The following ASCC1 variants were observed in gnomAD, a reference collection of about 807,000 sequenced individuals.
The protein encoded by ASCC1 is ASC-1 complex subunit P50.
A neutral mutation model predicts 46.6 loss-of-function variants in ASCC1; 35 were observed. The observed-to-expected ratio is 0.75, with a 90% CI of 0.57 to 0.99. The LOEUF is 0.99. Among genes scored for constraint, ASCC1 ranks in the 50% least tolerant of loss-of-function variants. The pLI, the probability that ASCC1 is intolerant of heterozygous loss-of-function variation, is 0.00. For missense variants in ASCC1, 376 were observed against 428.7 expected (o/e 0.88, Z 1.09); for synonymous variants, 143 against 146.6 (o/e 0.98, Z 0.18).
intron 7 of ASCC1, among the ~76,000 whole-genome samples, chr10:72,146,009 T>C (rs919351202): frequency 6.6e-6 from 1 of 152,224 alleles, no homozygotes; most frequent in African/African-American, 2.4e-5. Flanking sequence ...AAAATAATGC[T>C]CTTTCGTGCC....
intron 2 of ASCC1, among the ~76,000 whole-genome samples, chr10:72,211,391 A>C (rs752763789): frequency 2.6e-5 from 4 of 152,206 alleles, no homozygotes; most frequent in Non-Finnish European, 5.9e-5. Context: ...TATTTGAAAA[A>C]AAAATCCAGC....
chr10:72,216,484 C>CG (rs1235627687), upstream of ASCC1, among the ~76,000 whole-genome samples: 2 of 92,398 alleles, frequency 2.2e-5, no homozygotes, highest in Non-Finnish European at 4.0e-5. Flanking sequence ...GTTCCCGCCC[C>CG]CCCCCCCCCC....
intron 2 of ASCC1, chr10:72,212,260 C>T: frequency 5.2e-6 from 1 of 190,908 alleles, no homozygotes; most frequent in Non-Finnish European, 1.1e-5. Context: ...TTGCAGAGAG[C>T]CCAGATCACG....
At chr10:72,186,062 C>A (rs1430326190) in intron 5 of ASCC1, among the ~76,000 whole-genome samples, 1 of 151,894 alleles carries the variant, frequency 6.6e-6, no homozygotes, top group East Asian at 1.9e-4. Context: ...GAATACTTCA[C>A]AGCAATTAAA....
intron 5 of ASCC1, chr10:72,180,943 TTGGTTCAAA>T (rs1358805676): frequency 2.1e-5 from 4 of 192,232 alleles, no homozygotes; most frequent in Non-Finnish European, 4.5e-5. Flanking sequence ...CGGGAGATGA[TTGGTTCAAA>T]AGCATTATTC....
At chr10:72,108,105 C>CT (rs1018067008) in intron 9 of ASCC1, among the ~76,000 whole-genome samples, 6 of 129,118 alleles carry the variant, frequency 4.6e-5, no homozygotes, top group Non-Finnish European at 8.0e-5. Flanking sequence ...GAAACAAGGT[C>CT]TTACTCTGTC....
At chr10:72,135,548 T>C (rs1203166023) in intron 7 of ASCC1, among the ~76,000 whole-genome samples, 1 of 151,926 alleles carries the variant, frequency 6.6e-6, no homozygotes, top group African/African-American at 2.4e-5. Context: ...AAGAGAGAAG[T>C]GATGAAGTCG....
At position 72,203,438 on chromosome 10, in the gene ASCC1, T is replaced by C. The variant is rs764700294; in HGVS notation, c.299A>G (p.Asp100Gly). The C allele has an allele frequency of 2.5e-6, 4 of 1,612,730 alleles. No individual in the cohort carries two copies. The South Asian group carries it at 4.4e-5, about 18-fold the overall frequency. Residue 100 changes from aspartate to glycine, a missense_variant, in exon 4 of 10, where the codon GAC becomes GGC. Transcript: ENST00000672957. The stretch of plus-strand genomic sequence containing the variant: ...CTACTGAGTCTCACCAATTTCCCCG[T>C]CTTGTCCAGGTTTAGGAATGCTAAT... ...TSISIPKPGQ[D>G]GEIVITGQHR...
chr10:72,123,822 C>T (rs1844517393), intron 9 of ASCC1, among the ~76,000 whole-genome samples: 2 of 152,162 alleles, frequency 1.3e-5, no homozygotes, highest in African/African-American at 4.8e-5. Flanking sequence ...CCGGGAGGAG[C>T]ATGGGAGGCA....
intron 7 of ASCC1, among the ~76,000 whole-genome samples, chr10:72,143,950 A>G (rs76459610): frequency 0.016 from 2,381 of 152,022 alleles, 25 homozygotes; most frequent in Middle Eastern, 0.024. Context: ...ACCCTTTATC[A>G]TATATAATAG....
At chr10:72,143,730 A>G (rs1847302845) in intron 7 of ASCC1, among the ~76,000 whole-genome samples, 1 of 151,124 alleles carries the variant, frequency 6.6e-6, no homozygotes, top group Non-Finnish European at 1.5e-5. Flanking sequence ...AAACTTGCTC[A>G]TGGTTAAAAT....
At chr10:72,166,105 A>G (rs971950027) in intron 5 of ASCC1, among the ~76,000 whole-genome samples, 1 of 152,226 alleles carries the variant, frequency 6.6e-6, no homozygotes, top group Non-Finnish European at 1.5e-5. Flanking sequence ...GTCAAGCCCT[A>G]AAGTCTATAC....
chr10:72,210,878 G>A, intron 2 of ASCC1, 47 bp from the exon 3 acceptor site: 2 of 1,584,264 alleles, frequency 1.3e-6, no homozygotes, highest in Non-Finnish European at 1.7e-6. Context: ...GTTGCTCTGT[G>A]GACAACAGCT....
At chr10:72,217,103 C>T (rs1156410085), upstream of ASCC1, 1 of 453,606 alleles carries the variant, frequency 2.2e-6, no homozygotes, top group Admixed American at 2.4e-5. Flanking sequence ...AACACTGCCC[C>T]AGGTTCTGTG....
chr10:72,183,170 A>C (rs1056705407), intron 5 of ASCC1, among the ~76,000 whole-genome samples: 1 of 151,502 alleles, frequency 6.6e-6, no homozygotes, highest in Non-Finnish European at 1.5e-5. Context: ...CCGCCTCCTG[A>C]GTAGCTGGGA....
chr10:72,102,482 G>T, intron 9 of ASCC1: 1 of 1,268,538 alleles, frequency 7.9e-7, no homozygotes, highest in Non-Finnish European at 1.1e-6. Flanking sequence ...TTATTGAGTT[G>T]TAGTTCTTTT....
intron 5 of ASCC1, among the ~76,000 whole-genome samples, chr10:72,194,088 G>A (rs917249149): frequency 6.6e-6 from 1 of 151,326 alleles, no homozygotes; most frequent in African/African-American, 2.4e-5. Context: ...GTTTCACCAT[G>A]TTAGCCAGGA....
intron 4 of ASCC1, among the ~76,000 whole-genome samples, chr10:72,197,400 G>A (rs1030790665): frequency 6.8e-6 from 1 of 147,032 alleles, no homozygotes. Context: ...CCCAGGAGGT[G>A]GAGCTTGCAG....
intron 5 of ASCC1, chr10:72,190,051 C>A: frequency 1.3e-6 from 1 of 758,736 alleles, no homozygotes; most frequent in East Asian, 2.4e-5. Flanking sequence ...CTGCCCTCCA[C>A]AGTGCTCCCC....
Sources: allele counts gnomAD v4.1 joint callset (sites outside exome capture counted in the v4.1 genomes callset), GRCh38; gene constraint gnomAD v4.1.1; transcripts MANE v1.5; gene names NCBI Gene and HGNC (gene_info 2026-07-23, HGNC 2026-07-21).